VWA8: variants seen among roughly 807,000 people sequenced by gnomAD.
VWA8 encodes von Willebrand factor A domain containing 8, also known as von Willebrand factor A domain-containing protein 8.
In VWA8, 221 loss-of-function variants were observed where a neutral mutation model predicts 241.5. The observed-to-expected ratio is 0.91, with a 90% CI of 0.82 to 1.02. The LOEUF (loss-of-function observed/expected upper bound fraction) is 1.02, where lower values mean the gene tolerates loss of function less well. Ranked by LOEUF, VWA8 falls within the 50% of genes least tolerant of loss-of-function variation. The pLI, the probability that VWA8 is intolerant of heterozygous loss-of-function variation, is 0.00. For synonymous variants in VWA8, 852 were observed against 827.1 expected (o/e 1.03, Z -0.52); for missense variants, 2,322 against 2,328.7 (o/e 1.00, Z 0.06).
chr13:41,676,614 G>C (rs2045061881), intron 35 of VWA8, among the ~76,000 whole-genome samples: 1 of 152,076 alleles, frequency 6.6e-6, no homozygotes. Context: ...GGTTTGTGAA[G>C]TGTTCTGCTG....
At chr13:41,687,668 T>C (rs892949434) in intron 34 of VWA8, among the ~76,000 whole-genome samples, 3 of 152,136 alleles carry the variant, frequency 2.0e-5, no homozygotes, top group African/African-American at 7.2e-5. Context: ...GTTGTAAAAA[T>C]TAACTATCAT....
intron 29 of VWA8, chr13:41,696,133 C>G (rs1430307005): frequency 6.6e-6 from 1 of 151,972 alleles, no homozygotes; most frequent in Non-Finnish European, 1.5e-5. Context: ...TGTTGAAAAT[C>G]TTTAAAGTAA....
chr13:41,571,507 C>T (rs1371121873), intron 43 of VWA8, among the ~76,000 whole-genome samples: 1 of 152,204 alleles, frequency 6.6e-6, no homozygotes, highest in Non-Finnish European at 1.5e-5. Context: ...CGCCGCCACA[C>T]CTGACTGGTT....
At chr13:41,755,142 G>A (rs1021297722) in intron 21 of VWA8, among the ~76,000 whole-genome samples, 4 of 151,986 alleles carry the variant, frequency 2.6e-5, no homozygotes, top group African/African-American at 4.8e-5. Flanking sequence ...TGGGATTGCT[G>A]GATCCTATGG....
At chr13:41,625,320 G>A (rs1043213434) in intron 37 of VWA8, among the ~76,000 whole-genome samples, 2 of 151,936 alleles carry the variant, frequency 1.3e-5, no homozygotes, top group African/African-American at 2.4e-5. Context: ...GAAAATTTTC[G>A]CAACCTACTC....
chr13:41,855,689 CA>C (rs1198609455), intron 12 of VWA8, among the ~76,000 whole-genome samples: 1 of 151,872 alleles, frequency 6.6e-6, no homozygotes, highest in Non-Finnish European at 1.5e-5. Context: ...CACAAGGGAA[CA>C]AGGGAATTGT....
In VWA8 at chr13:41,839,593, G is replaced by C. The variant is rs543056309; in HGVS notation, c.1426-6062C>G. Among the ~76,000 whole-genome samples, 10 of 152,160 alleles carry C rather than the reference G, an allele frequency of 6.6e-5. No individual in the cohort carries two copies. The South Asian group carries it at 1.9e-3, about 28-fold the overall frequency. ...CCTATGTCCTGAATGGTATTACTGA[G>C]GTTTTCTTCTAGGGTTTTAGTTTCT... On this transcript the variant is annotated intron_variant, in intron 12 of 44. Transcript: ENST00000379310.
intron 9 of VWA8, among the ~76,000 whole-genome samples, chr13:41,874,287 C>T (rs1873792571): frequency 6.6e-6 from 1 of 150,486 alleles, no homozygotes; most frequent in African/African-American, 2.4e-5. Context: ...GACAGGGATG[C>T]CCTCTCTCAC....
intron 17 of VWA8, among the ~76,000 whole-genome samples, chr13:41,793,344 C>A (rs1038922508): frequency 6.6e-6 from 1 of 151,936 alleles, no homozygotes; most frequent in Non-Finnish European, 1.5e-5. Flanking sequence ...TGCTCATGAA[C>A]CTTTAAATAT....
intron 43 of VWA8, among the ~76,000 whole-genome samples, chr13:41,571,509 T>C (rs2044304102): frequency 6.6e-6 from 1 of 152,134 alleles, no homozygotes. Flanking sequence ...CCGCCACACC[T>C]GACTGGTTTT....
chr13:41,583,585 G>A (rs1189997562), intron 42 of VWA8, among the ~76,000 whole-genome samples: 2 of 149,530 alleles, frequency 1.3e-5, no homozygotes, highest in Non-Finnish European at 3.0e-5. Flanking sequence ...GGAGGCTGCA[G>A]TGAGCCGAGA....
intron 19 of VWA8, among the ~76,000 whole-genome samples, chr13:41,783,246 C>T (rs1007201348): frequency 4.7e-5 from 7 of 148,224 alleles, no homozygotes; most frequent in African/African-American, 1.7e-4. Flanking sequence ...TATATATATA[C>T]TTAATATATA....
intron 12 of VWA8, among the ~76,000 whole-genome samples, chr13:41,845,046 T>C (rs1872226967): frequency 6.6e-6 from 1 of 152,078 alleles, no homozygotes; most frequent in African/African-American, 2.4e-5. Flanking sequence ...TAGAAAAAAT[T>C]ATTTTAAAAT....
At chr13:41,581,396 A>T (rs1280532825) in intron 42 of VWA8, among the ~76,000 whole-genome samples, 1 of 152,236 alleles carries the variant, frequency 6.6e-6, no homozygotes, top group Admixed American at 6.5e-5. Flanking sequence ...TACATTACAT[A>T]ATCCCTAACA....
chr13:41,927,365 C>CA (rs1357955106), intron 2 of VWA8: 2 of 522,266 alleles, frequency 3.8e-6, no homozygotes, highest in Non-Finnish European at 7.8e-6. Context: ...ATAATAATTG[C>CA]AAGTTGTATA....
intron 26 of VWA8, chr13:41,719,242 TTATCTC>T: frequency 1.6e-6 from 1 of 632,858 alleles, no homozygotes; most frequent in Non-Finnish European, 2.0e-6. Context: ...TAAATGTACA[TTATCTC>T]TATGTGATTT....
chr13:41,807,650 A>T (rs1254560605), intron 17 of VWA8: 1 of 152,228 alleles, frequency 6.6e-6, no homozygotes, highest in African/African-American at 2.4e-5. Flanking sequence ...TCCCTTCATG[A>T]TGAAAACCCT....
intron 12 of VWA8, among the ~76,000 whole-genome samples, chr13:41,853,145 T>C (rs1872591591): frequency 2.0e-5 from 3 of 152,332 alleles, no homozygotes; most frequent in South Asian, 2.1e-4. Flanking sequence ...TCTTGCCTAA[T>C]TGCTTTAGCT....
intron 40 of VWA8, among the ~76,000 whole-genome samples, chr13:41,591,780 C>T (rs545136214): frequency 5.4e-5 from 8 of 147,890 alleles, no homozygotes; most frequent in African/African-American, 2.0e-4. Flanking sequence ...CATCTCACAC[C>T]AGTTAGAATG....
Sources: gnomAD v4.1 joint callset for allele counts (sites outside exome capture counted in the v4.1 genomes callset) on GRCh38, gnomAD v4.1.1 for gene constraint, MANE v1.5 for transcripts, NCBI Gene and HGNC (gene_info 2026-07-23, HGNC 2026-07-21) for gene names.